The following STRN3 variants were observed in gnomAD, a reference collection of about 807,000 sequenced individuals.
STRN3 encodes striatin-3.
In STRN3, 29 loss-of-function variants were observed where a neutral mutation model predicts 95.6. The ratio of observed to expected loss-of-function variants is 0.30; its 90% CI spans 0.23 to 0.41. The LOEUF is 0.41. Ranked by LOEUF, STRN3 falls within the 10% of genes least tolerant of loss-of-function variation. The probability of loss-of-function intolerance (pLI) is 1.00; values close to 1 mark genes in which losing one functional copy is unlikely to be tolerated. For missense variants in STRN3, 890 were observed against 972.1 expected (o/e 0.92, Z 1.12); for synonymous variants, 331 against 357.6 (o/e 0.93, Z 0.84).
At chr14:30,929,955 A>AAAAAAAAAAAAAAAC (rs1878409261) in intron 7 of STRN3, among the ~76,000 whole-genome samples, 1 of 72,960 alleles carries the variant, frequency 1.4e-5, no homozygotes, top group African/African-American at 5.1e-5. Context: ...TAAGATTAGC[A>AAAAAAAAAAAAAAAC]AAAAAAAAAA....
chr14:31,014,763 T>C (rs768516820), intron 1 of STRN3: 1 of 436,776 alleles, frequency 2.3e-6, no homozygotes, highest in South Asian at 1.7e-5. Context: ...CAAAAGCACA[T>C]CCTTTTTTAA....
chr14:30,895,738 G>A lies in STRN3; in HGVS notation c.2148C>T (p.Ile716=). 6.2e-7 allele frequency: 1 copy of A among 1,612,166 alleles called. No homozygotes were observed. Among genetic ancestry groups the A allele is most frequent in the South Asian group, 1.1e-5 (1 of 90,446 alleles). Residue 716 remains isoleucine (I), a synonymous_variant, in exon 17 of 18, where the codon ATC becomes ATT. Coordinates refer to ENST00000357479, the MANE Select transcript of STRN3 (RefSeq NM_001083893.2). ...KFFDNKTGKM[I]HSMVAHLDAV... ...CATCCAAGTGAGCTACCATAGAATG[G>A]ATCATTTTACCTAAACAAAACATAA...
Position 30,894,928 on chromosome 14 carries a change from A to G in STRN3, c.*483T>C. On this transcript the variant is annotated 3_prime_UTR_variant, in exon 18 of 18. Transcript: ENST00000357479. ...TTTTTTAAAGCAAAATAAGTTTAAA[A>G]GGGAATCTGTGGCATTCAACCGATA... is the stretch of plus-strand genomic sequence containing the variant. The G allele has an allele frequency of 3.6e-6, 4 of 1,109,610 alleles. No individual in the cohort carries two copies. The highest frequency in any genetic ancestry group is 4.6e-6 in the Non-Finnish European group (4 of 871,092). The allele number at this position is 1,109,610 out of a possible 1,614,324, so 68.7% of individuals were successfully genotyped here. A position where few individuals can be genotyped will look rare whatever the true frequency, so the allele number is the denominator to read the frequency against.
chr14:30,994,504 C>T (rs1026903894), intron 1 of STRN3, among the ~76,000 whole-genome samples: 3 of 152,130 alleles, frequency 2.0e-5, no homozygotes, highest in African/African-American at 7.2e-5. Context: ...AAACTGTATG[C>T]ATAGGGATCT....
chr14:30,908,858 T>C (rs546528436), intron 13 of STRN3, among the ~76,000 whole-genome samples: 1 of 152,336 alleles, frequency 6.6e-6, no homozygotes, highest in Non-Finnish European at 1.5e-5. Flanking sequence ...GTTTAATGTA[T>C]TATTTGTATA....
At chr14:30,954,584 C>G (rs1879811304) in intron 3 of STRN3, among the ~76,000 whole-genome samples, 1 of 152,124 alleles carries the variant, frequency 6.6e-6, no homozygotes, top group African/African-American at 2.4e-5. Flanking sequence ...AAACATTTTA[C>G]TTCGCTGTTA....
intron 1 of STRN3, among the ~76,000 whole-genome samples, chr14:31,005,363 G>A (rs762842321): frequency 6.6e-6 from 1 of 152,160 alleles, no homozygotes; most frequent in African/African-American, 2.4e-5. Context: ...GGAGGGGAGG[G>A]AAGGAGCAAG....
chr14:30,908,264 C>T (rs1358479553), intron 13 of STRN3, among the ~76,000 whole-genome samples: 1 of 152,168 alleles, frequency 6.6e-6, no homozygotes, highest in African/African-American at 2.4e-5. Flanking sequence ...CCTACCACCC[C>T]TTCCACCCAG....
chr14:30,924,095 C>T (rs1896949483), intron 8 of STRN3, among the ~76,000 whole-genome samples: 1 of 151,132 alleles, frequency 6.6e-6, no homozygotes, highest in African/African-American at 2.4e-5. Context: ...ATTGCATCAA[C>T]ACTTACTTCT....
chr14:31,013,422 CACATTGT>C (rs1883062959), intron 1 of STRN3, among the ~76,000 whole-genome samples: 1 of 151,672 alleles, frequency 6.6e-6, no homozygotes, highest in Non-Finnish European at 1.5e-5. Context: ...TATAGTTTGC[CACATTGT>C]ACCAGAAAAG....
chr14:30,906,489 C>T (rs1594416633), intron 14 of STRN3, among the ~76,000 whole-genome samples: 1 of 152,208 alleles, frequency 6.6e-6, no homozygotes, highest in Non-Finnish European at 1.5e-5. Context: ...CTGGACTACT[C>T]AACTAGTGTG....
In STRN3 at chr14:30,991,349, T is replaced by C. The variant is rs998301021; in HGVS notation, c.282+34555A>G. Among the ~76,000 whole-genome samples, 5 of 152,276 alleles carry C rather than the reference T, an allele frequency of 3.3e-5. No individual in the cohort carries two copies. The East Asian group carries it at 5.8e-4, about 18-fold the overall frequency. On this transcript the variant is annotated intron_variant, in intron 1 of 17. Coordinates refer to ENST00000357479, the MANE Select transcript of STRN3 (RefSeq NM_001083893.2). ...ATGAGTACTAGTATTCATTCTTTCA[T>C]TCTGGGGTACAATCATACATAGGGC...
chr14:30,920,880 C>A (rs1896861890), intron 8 of STRN3, among the ~76,000 whole-genome samples: 1 of 152,108 alleles, frequency 6.6e-6, no homozygotes, highest in Non-Finnish European at 1.5e-5. Flanking sequence ...CTTTCATGTG[C>A]TTCATGATCT....
chr14:31,023,291 T>A (rs1883592394), intron 1 of STRN3, among the ~76,000 whole-genome samples: 1 of 152,200 alleles, frequency 6.6e-6, no homozygotes, highest in African/African-American at 2.4e-5. Flanking sequence ...CACTGTCCTA[T>A]GACCTTACTA....
chr14:30,946,569 G>A (rs1340678842), intron 5 of STRN3, among the ~76,000 whole-genome samples: 1 of 152,018 alleles, frequency 6.6e-6, no homozygotes, highest in African/African-American at 2.4e-5. Flanking sequence ...ACTTAACATA[G>A]ATAAATTTTG....
intron 1 of STRN3, among the ~76,000 whole-genome samples, chr14:30,977,957 A>C (rs904844161): frequency 3.3e-5 from 5 of 152,194 alleles, no homozygotes; most frequent in African/African-American, 4.8e-5. Flanking sequence ...AAAAACTTAC[A>C]TAAGGAGCAA....
intron 1 of STRN3, among the ~76,000 whole-genome samples, chr14:31,014,364 G>A (rs563661613): frequency 9.9e-5 from 15 of 152,110 alleles, no homozygotes; most frequent in Middle Eastern, 3.4e-3. Context: ...GGAACTACAG[G>A]CGCGTTGACA....
At chr14:30,936,309 G>A (rs1878815031) in intron 6 of STRN3, among the ~76,000 whole-genome samples, 186 bp downstream of exon 6, 1 of 152,084 alleles carries the variant, frequency 6.6e-6, no homozygotes, top group Non-Finnish European at 1.5e-5. Context: ...CCCATTTAGT[G>A]AATAATATAG....
At chr14:30,951,326 C>T (rs893737967) in intron 3 of STRN3, among the ~76,000 whole-genome samples, 12 of 152,058 alleles carry the variant, frequency 7.9e-5, no homozygotes, top group African/African-American at 2.9e-4. Context: ...GTCTCGACTT[C>T]TCTGGGCTCC....
Sources: gnomAD v4.1 joint callset for allele counts (sites outside exome capture counted in the v4.1 genomes callset) on GRCh38, gnomAD v4.1.1 for gene constraint, MANE v1.5 for transcripts, NCBI Gene and HGNC (gene_info 2026-07-23, HGNC 2026-07-21) for gene names.